The following WBP1L variants were observed in gnomAD, a reference collection of about 807,000 sequenced individuals.
WBP1L encodes WW domain binding protein 1-like.
Under a neutral mutation model 33.7 loss-of-function variants are expected in WBP1L, and 17 were observed. The observed-to-expected ratio is 0.50, with a 90% CI of 0.34 to 0.76. WBP1L has a LOEUF of 0.76. WBP1L is among the 30% of genes least tolerant of loss of function. The pLI, the probability that WBP1L is intolerant of heterozygous loss-of-function variation, is 0.01. For missense variants in WBP1L, 389 were observed against 469.4 expected (o/e 0.83, Z 1.58); for synonymous variants, 173 against 190.8 (o/e 0.91, Z 0.77).
chr10:102,810,192 T>A, intron 3 of WBP1L, 138 bp downstream of exon 3: 1 of 1,201,506 alleles, frequency 8.3e-7, no homozygotes. Flanking sequence ...GAGCAAGGTC[T>A]TGAAAGTACA....
At chr10:102,776,368 A>G in intron 1 of WBP1L, 1 of 1,614,054 alleles carries the variant, frequency 6.2e-7, no homozygotes, top group Non-Finnish European at 8.5e-7. Context: ...TTCCAACGTT[A>G]GTGTGGACGA....
intron 1 of WBP1L, among the ~76,000 whole-genome samples, chr10:102,778,487 G>A (rs1242519849): frequency 6.6e-6 from 1 of 152,248 alleles, no homozygotes; most frequent in African/African-American, 2.4e-5. Flanking sequence ...CAAGGAGAGT[G>A]AAGGGTTGGG....
intron 1 of WBP1L, among the ~76,000 whole-genome samples, chr10:102,795,535 G>A (rs1477228455): frequency 6.6e-6 from 1 of 152,222 alleles, no homozygotes; most frequent in Non-Finnish European, 1.5e-5. Context: ...CTGACTGACA[G>A]CAGTAGGTCA....
At position 102,750,565 on chromosome 10, in the gene WBP1L, G is replaced by A. The variant is rs1842916017; in HGVS notation, c.90+6422G>A. Among the ~76,000 whole-genome samples the A allele has an allele frequency of 2.7e-5, 4 of 150,118 alleles. No individual in the cohort carries two copies. The South Asian group carries it at 8.5e-4, about 32-fold the overall frequency. On this transcript the variant is annotated intron_variant, in intron 1 of 3. Transcript: ENST00000448841. ...TTTTGAAACGGTGTCTTGCTCCGTC[G>A]CCCAGGTTGGAGTGCAAACTCCGCC... is the stretch of plus-strand genomic sequence containing the variant.
intron 2 of WBP1L, among the ~76,000 whole-genome samples, chr10:102,808,627 G>A (rs1213197473): frequency 1.3e-5 from 2 of 152,240 alleles, no homozygotes; most frequent in Non-Finnish European, 2.9e-5. Context: ...AATTGTACCC[G>A]ATTAGGATTA....
At chr10:102,810,922 C>T (rs1206485712) in intron 3 of WBP1L, among the ~76,000 whole-genome samples, 1 of 134,810 alleles carries the variant, frequency 7.4e-6, no homozygotes, top group Non-Finnish European at 1.6e-5. Flanking sequence ...CTTCCTCTTT[C>T]TTTTCCTTTC....
chr10:102,747,837 T>C (rs1286136288), intron 1 of WBP1L, among the ~76,000 whole-genome samples: 1 of 150,590 alleles, frequency 6.6e-6, no homozygotes, highest in Non-Finnish European at 1.5e-5. Flanking sequence ...CTAAACAGAA[T>C]ATTTGACTAT....
chr10:102,802,120 C>T (rs1291255354), intron 2 of WBP1L, among the ~76,000 whole-genome samples: 2 of 117,100 alleles, frequency 1.7e-5, no homozygotes, highest in African/African-American at 6.7e-5. Flanking sequence ...CTTCTCCTTC[C>T]TTCCTTCCTT....
At chr10:102,774,363 C>G (rs1166207862) in intron 1 of WBP1L, among the ~76,000 whole-genome samples, 3 of 152,074 alleles carry the variant, frequency 2.0e-5, no homozygotes, top group African/African-American at 7.2e-5. Flanking sequence ...GAATGGCTTC[C>G]CAGTCCCCAA....
intron 1 of WBP1L, among the ~76,000 whole-genome samples, chr10:102,789,447 T>G (rs1843465028): frequency 6.6e-6 from 1 of 152,170 alleles, no homozygotes; most frequent in African/African-American, 2.4e-5. Flanking sequence ...TATTTCTTCT[T>G]CCTGGAACAC....
intron 1 of WBP1L, among the ~76,000 whole-genome samples, chr10:102,759,522 T>G (rs949407210): frequency 6.6e-5 from 10 of 152,236 alleles, no homozygotes; most frequent in African/African-American, 1.9e-4. Context: ...CTGGGTACTC[T>G]TTGCCTACAA....
chr10:102,753,591 C>T (rs1387869969), intron 1 of WBP1L, among the ~76,000 whole-genome samples: 1 of 152,214 alleles, frequency 6.6e-6, no homozygotes, highest in Non-Finnish European at 1.5e-5. Flanking sequence ...TACTCAGTTA[C>T]ATTCCCATAG....
chr10:102,769,446 C>A (rs1049979789), intron 1 of WBP1L, among the ~76,000 whole-genome samples: 1 of 151,382 alleles, frequency 6.6e-6, no homozygotes, highest in African/African-American at 2.4e-5. Context: ...TGTCCCTCGC[C>A]TCACCATGTT....
rs1009665787 is a variant in WBP1L, at chr10:102,746,179, G to A, written c.90+2036G>A. On this transcript the variant is annotated intron_variant, in intron 1 of 3. Transcript: ENST00000448841. ...CAGGTCGTGGAGCCTGGGAGGTGTT[G>A]TGAACATGTGGAAGGGGATTGTTAA... is the stretch of plus-strand genomic sequence containing the variant. 9 of 985,064 alleles carry A rather than the reference G, an allele frequency of 9.1e-6. No individual in the cohort carries two copies. In the African/African-American group the frequency reaches 1.6e-4, roughly 17 times the overall value. 61.0% of individuals were successfully genotyped at this position (985,064 alleles called of 1,614,324 possible). A position where few individuals can be genotyped will look rare whatever the true frequency, so the allele number is the denominator to read the frequency against.
Position 102,812,720 on chromosome 10 carries a change from G to A in WBP1L, c.481G>A (p.Ala161Thr). The change falls in exon 4 of 4, where the codon GCA (alanine) becomes ACA (threonine). Residue 161 changes from alanine to threonine, a missense_variant. Transcript: ENST00000448841. Reference sequence around the variant, plus strand: ...GCTGCTGCCTCCACAGTGTGGCCCTGCAGGTGGCAGTCCCCCGGGCATCGA... The same window carrying A: ...GCTGCTGCCTCCACAGTGTGGCCCTACAGGTGGCAGTCCCCCGGGCATCGA... Reference protein sequence around the residue: ...QQLLPPQCGPAGGSPPGIDPT... With the variant: ...QQLLPPQCGPTGGSPPGIDPT... The A allele has an allele frequency of 1.9e-6, 3 of 1,613,964 alleles. No individual in the cohort carries two copies. The highest frequency in any genetic ancestry group is 2.5e-6 in the Non-Finnish European group (3 of 1,179,950).
intron 1 of WBP1L, among the ~76,000 whole-genome samples, chr10:102,759,650 A>G (rs1843014645): frequency 6.6e-6 from 1 of 152,052 alleles, no homozygotes; most frequent in South Asian, 2.1e-4. Flanking sequence ...TTGGTGTACA[A>G]GTTTTTTTGT....
intron 1 of WBP1L, among the ~76,000 whole-genome samples, chr10:102,776,836 C>A (rs999416946): frequency 6.6e-6 from 1 of 151,988 alleles, no homozygotes; most frequent in Admixed American, 6.6e-5. Flanking sequence ...TGAAGGGACT[C>A]TGTGTTGGGG....
chr10:102,784,563 C>G (rs917480999), intron 1 of WBP1L, among the ~76,000 whole-genome samples: 44 of 150,850 alleles, frequency 2.9e-4, no homozygotes, highest in African/African-American at 1.0e-3. Context: ...GTAGCTGGGA[C>G]TACAGGCGCC....
intron 1 of WBP1L, among the ~76,000 whole-genome samples, chr10:102,784,275 C>A (rs1013192319): frequency 2.6e-5 from 4 of 152,052 alleles, no homozygotes; most frequent in Admixed American, 6.6e-5. Context: ...ATATTTCAAG[C>A]CAGGTACCTA....
Sources: gnomAD v4.1 joint callset for allele counts (sites outside exome capture counted in the v4.1 genomes callset) on GRCh38, gnomAD v4.1.1 for gene constraint, MANE v1.5 for transcripts, NCBI Gene and HGNC (gene_info 2026-07-23, HGNC 2026-07-21) for gene names.